The following TMEM181 variants were observed in gnomAD, a reference collection of about 807,000 sequenced individuals.
The protein encoded by TMEM181 is transmembrane protein 181.
TMEM181 carries 39 observed loss-of-function variants against 71.9 expected under a neutral mutation model. That is an observed-to-expected ratio of 0.54 (90% CI 0.42 to 0.71). The LOEUF (loss-of-function observed/expected upper bound fraction) is 0.71, where lower values mean the gene tolerates loss of function less well. Ranked by LOEUF, TMEM181 falls within the 30% of genes least tolerant of loss-of-function variation. The pLI is 0.00. For missense variants in TMEM181, 595 were observed against 583.0 expected (o/e 1.02, Z -0.21); for synonymous variants, 245 against 228.8 (o/e 1.07, Z -0.64).
At chr6:158,574,412 T>C (rs138530620) in intron 2 of TMEM181, among the ~76,000 whole-genome samples, 491 of 152,268 alleles carry the variant, frequency 3.2e-3, no homozygotes, top group African/African-American at 0.011. Flanking sequence ...ATTACATTAA[T>C]TACAGCACAA....
chr6:158,599,506 T>C (rs534980574), intron 6 of TMEM181, among the ~76,000 whole-genome samples: 3 of 152,280 alleles, frequency 2.0e-5, no homozygotes, highest in Admixed American at 6.5e-5. Flanking sequence ...CTGTACTCTT[T>C]ATTTCATTTT....
At chr6:158,596,474 C>T (rs910557353) in intron 6 of TMEM181, among the ~76,000 whole-genome samples, 6 of 152,112 alleles carry the variant, frequency 3.9e-5, no homozygotes, top group African/African-American at 9.7e-5. Flanking sequence ...TCCATTTCAC[C>T]GAGCCTGGTG....
At chr6:158,555,588 C>G (rs950697414), upstream of TMEM181, among the ~76,000 whole-genome samples, 2 of 152,176 alleles carry the variant, frequency 1.3e-5, no homozygotes, top group East Asian at 3.8e-4. Flanking sequence ...TTAGAGAATT[C>G]AGATAATGAT....
rs554689286 is a variant in TMEM181 at position 158,608,481 on chromosome 6, T to G, written c.804+18T>G. On this transcript the variant is annotated intron_variant, in intron 9 of 16. Transcript: ENST00000684151. Reference sequence around the variant, plus strand: ...GTGTCCAGGTGAGCCGGAGCCGCCCTCACTGCCGGGGGAGGTTCCAGACTG... The same window carrying G: ...GTGTCCAGGTGAGCCGGAGCCGCCCGCACTGCCGGGGGAGGTTCCAGACTG... The G allele has an allele frequency of 1.2e-6, 2 of 1,614,084 alleles. No homozygotes were observed. The highest frequency in any genetic ancestry group is 2.2e-5 in the South Asian group (2 of 91,066).
intron 2 of TMEM181, among the ~76,000 whole-genome samples, chr6:158,577,881 G>A (rs537866443): frequency 6.6e-6 from 1 of 152,110 alleles, no homozygotes; most frequent in Admixed American, 6.6e-5. Context: ...ACCTGAGGTC[G>A]GGAGTTCAAG....
chr6:158,610,966 C>CGGTGGT, intron 10 of TMEM181: 1 of 433,454 alleles, frequency 2.3e-6, no homozygotes, highest in Non-Finnish European at 4.5e-6. Context: ...GTGGAGATCT[C>CGGTGGT]CAGATCAGAC....
chr6:158,610,455 A>G (rs1785232127), intron 10 of TMEM181: 1 of 297,964 alleles, frequency 3.4e-6, no homozygotes, highest in Non-Finnish European at 6.6e-6. Flanking sequence ...CCTTTGAAAG[A>G]CAACTTGGAA....
At chr6:158,536,702 G>A (rs748501688) in exon 1 of TMEM181, 4 of 1,544,020 alleles carry the variant, frequency 2.6e-6, no homozygotes, top group Admixed American at 3.8e-5. Flanking sequence ...AAAGGGTGGA[G>A]CGGCGGGACC....
chr6:158,560,672 T>G (rs889959161), intron 1 of TMEM181, among the ~76,000 whole-genome samples: 2 of 152,190 alleles, frequency 1.3e-5, no homozygotes, highest in African/African-American at 4.8e-5. Flanking sequence ...CGCGCTGCCC[T>G]GCGGTCTCGC....
At chr6:158,586,089 G>A (rs1490665322) in intron 5 of TMEM181, among the ~76,000 whole-genome samples, 3 of 152,158 alleles carry the variant, frequency 2.0e-5, no homozygotes, top group Admixed American at 6.5e-5. Context: ...TGGGCCTCTT[G>A]GGCGTCAGGG....
At chr6:158,619,198 ACT>A (rs1785803204) in intron 10 of TMEM181, among the ~76,000 whole-genome samples, 1 of 151,526 alleles carries the variant, frequency 6.6e-6, no homozygotes, top group South Asian at 2.1e-4. Context: ...GTTTCTTTTT[ACT>A]CTTTTTTCTC....
intron 2 of TMEM181, among the ~76,000 whole-genome samples, chr6:158,574,424 A>G (rs1783049799): frequency 6.6e-6 from 1 of 152,106 alleles, no homozygotes; most frequent in Admixed American, 6.5e-5. Context: ...ACAGCACAAG[A>G]TATATCCATG....
intron 6 of TMEM181, among the ~76,000 whole-genome samples, chr6:158,601,703 G>A (rs1439191338): frequency 1.3e-5 from 2 of 150,996 alleles, no homozygotes; most frequent in Non-Finnish European, 2.9e-5. Flanking sequence ...AGGTTGCAGT[G>A]AGCCGAGATC....
intron 3 of TMEM181, among the ~76,000 whole-genome samples, chr6:158,581,753 C>CAAA (rs10626721): frequency 0.052 from 3,217 of 61,858 alleles, 450 homozygotes; most frequent in East Asian, 0.12. Flanking sequence ...GACTCTGTCT[C>CAAA]AAAAAAAAAA....
At chr6:158,626,972 ACAT>A (rs776186930) in intron 13 of TMEM181, among the ~76,000 whole-genome samples, 73 of 118,976 alleles carry the variant, frequency 6.1e-4, no homozygotes, top group East Asian at 1.2e-3. Flanking sequence ...ACCCTCTCAC[ACAT>A]CATCACTCAC....
At chr6:158,612,591 C>G (rs1407523729) in intron 10 of TMEM181, among the ~76,000 whole-genome samples, 1 of 152,184 alleles carries the variant, frequency 6.6e-6, no homozygotes. Flanking sequence ...ACCAATAATT[C>G]ATTTGGTTGT....
intron 5 of TMEM181, among the ~76,000 whole-genome samples, chr6:158,587,643 T>C (rs984105867): frequency 8.6e-5 from 13 of 151,950 alleles, no homozygotes; most frequent in Non-Finnish European, 1.8e-4. Context: ...TTTTTTTTTT[T>C]TTTTCTACTG....
At chr6:158,609,480 A>G (rs374861514) in intron 10 of TMEM181, among the ~76,000 whole-genome samples, 62 of 152,226 alleles carry the variant, frequency 4.1e-4, no homozygotes, top group African/African-American at 1.0e-3. Flanking sequence ...CAAAACCCCA[A>G]TGCTATTACA....
intron 10 of TMEM181, among the ~76,000 whole-genome samples, chr6:158,618,121 TTGTAGGTCTCTA>T (rs554954619): frequency 3.4e-3 from 517 of 152,338 alleles, no homozygotes; most frequent in African/African-American, 0.012. Context: ...CTAAGTCTCT[TTGTAGGTCTCTA>T]AGGACTTGCT....
Sources: allele counts gnomAD v4.1 joint callset (sites outside exome capture counted in the v4.1 genomes callset), GRCh38; gene constraint gnomAD v4.1.1; transcripts MANE v1.5; gene names NCBI Gene and HGNC (gene_info 2026-07-23, HGNC 2026-07-21).